Variants in GALNTL6 observed in about 807,000 individuals in gnomAD.
GALNTL6 encodes polypeptide N-acetylgalactosaminyltransferase like 6.
Under a neutral mutation model 73.7 loss-of-function variants are expected in GALNTL6, and 46 were observed. The ratio of observed to expected loss-of-function variants is 0.62; its 90% confidence interval spans 0.49 to 0.80. GALNTL6 has a LOEUF of 0.80. Among genes scored for constraint, GALNTL6 ranks in the 30% least tolerant of loss-of-function variants. GALNTL6 has a pLI of 0.00. For synonymous variants in GALNTL6, 259 were observed against 263.7 expected (o/e 0.98, Z 0.17); for missense variants, 604 against 755.0 (o/e 0.80, Z 2.34).
chr4:172,211,337 A>G (rs1214924261), intron 2 of GALNTL6, among the ~76,000 whole-genome samples: 2 of 152,212 alleles, frequency 1.3e-5, no homozygotes, highest in African/African-American at 4.8e-5. Context: ...TATACTAATC[A>G]TGTATTTACA....
At chr4:173,004,740 C>T (rs1286634816) in intron 10 of GALNTL6, among the ~76,000 whole-genome samples, 2 of 152,182 alleles carry the variant, frequency 1.3e-5, no homozygotes, top group Non-Finnish European at 2.9e-5. Context: ...TTGGAAGTCT[C>T]AAGCCTTTCT....
intron 11 of GALNTL6, among the ~76,000 whole-genome samples, chr4:173,015,349 G>C (rs1163968578): frequency 6.6e-6 from 1 of 152,214 alleles, no homozygotes; most frequent in South Asian, 2.1e-4. Context: ...CAGTTTGGAG[G>C]GCTCAGAAGA....
chr4:172,378,916 A>G (rs1357134765), intron 5 of GALNTL6, among the ~76,000 whole-genome samples: 2 of 152,194 alleles, frequency 1.3e-5, no homozygotes, highest in Admixed American at 6.5e-5. Flanking sequence ...AATCCTTTCA[A>G]TATTCAACAC....
chr4:172,329,695 C>G lies in GALNTL6; in HGVS notation c.386+17943C>G, dbSNP rs183525617. On this transcript the variant is annotated intron_variant, in intron 4 of 12. Transcript: ENST00000506823. ...CTGTGCCAGGAAACTGCTCCAGTCCCTAGTCACCTCAGACCCCCTAGAGCC... is the reference window on the plus strand; with the variant it reads ...CTGTGCCAGGAAACTGCTCCAGTCCGTAGTCACCTCAGACCCCCTAGAGCC... Among the ~76,000 whole-genome samples, 31 of 152,268 alleles carry G rather than the reference C, an allele frequency of 2.0e-4. No individual in the cohort carries two copies. In the East Asian group the frequency reaches 3.1e-3, roughly 15 times the overall value.
chr4:172,921,059 G>A (rs535654809), intron 8 of GALNTL6, among the ~76,000 whole-genome samples: 1 of 152,268 alleles, frequency 6.6e-6, no homozygotes, highest in South Asian at 2.1e-4. Context: ...TGCAAGAAGA[G>A]AATTCCAGGC....
At chr4:172,713,957 C>T (rs1047863796) in intron 5 of GALNTL6, among the ~76,000 whole-genome samples, 3 of 152,130 alleles carry the variant, frequency 2.0e-5, no homozygotes, top group African/African-American at 4.8e-5. Context: ...TGGCTCACAC[C>T]TGTAATCCCA....
At chr4:172,715,810 G>T (rs778351227) in intron 5 of GALNTL6, among the ~76,000 whole-genome samples, 1 of 152,106 alleles carries the variant, frequency 6.6e-6, no homozygotes, top group Non-Finnish European at 1.5e-5. Flanking sequence ...GGTGTTAAAA[G>T]GTCTTGCATA....
chr4:171,829,559 C>A (rs1054735373), intron 2 of GALNTL6, among the ~76,000 whole-genome samples: 3 of 152,112 alleles, frequency 2.0e-5, no homozygotes, highest in Admixed American at 6.6e-5. Context: ...CTTTTTCCCC[C>A]TGGAATTTGA....
intron 4 of GALNTL6, among the ~76,000 whole-genome samples, chr4:172,343,242 A>C (rs575505547): frequency 1.3e-5 from 2 of 152,228 alleles, no homozygotes; most frequent in Non-Finnish European, 2.9e-5. Flanking sequence ...CAAAAGCTGC[A>C]ATCCCAGAGT....
chr4:172,568,779 A>G (rs1407236825), intron 5 of GALNTL6, among the ~76,000 whole-genome samples: 2 of 149,810 alleles, frequency 1.3e-5, no homozygotes, highest in Non-Finnish European at 3.0e-5. Flanking sequence ...AAAAAAAAAA[A>G]GTAACAAAGA....
intron 10 of GALNTL6, among the ~76,000 whole-genome samples, chr4:172,979,980 C>T (rs1750996804): frequency 6.6e-6 from 1 of 152,192 alleles, no homozygotes; most frequent in South Asian, 2.1e-4. Context: ...ACAGATAATG[C>T]TATATGTCTT....
intron 2 of GALNTL6, among the ~76,000 whole-genome samples, chr4:172,034,002 T>G (rs1363905544): frequency 6.6e-6 from 1 of 152,084 alleles, no homozygotes; most frequent in East Asian, 1.9e-4. Context: ...AGTTGAACAA[T>G]CAAAAATTGT....
chr4:171,843,912 G>A lies in GALNTL6; in HGVS notation c.138+29194G>A, dbSNP rs568562059. 8.0e-4 allele frequency among the ~76,000 whole-genome samples: 122 copies of A among 152,222 alleles called. 1 individual carries two copies. The South Asian group carries it at 0.024, about 30-fold the overall frequency. The stretch of plus-strand genomic sequence containing the variant: ...AGTAGTCAATATTGAAGCAAAAATT[G>A]TATATCTGTAAGAACTGGAGAACAA... On this transcript the variant is annotated intron_variant, in intron 2 of 12. Transcript: ENST00000506823.
chr4:172,555,068 C>A (rs552557251), intron 5 of GALNTL6, among the ~76,000 whole-genome samples: 2 of 152,240 alleles, frequency 1.3e-5, no homozygotes, highest in South Asian at 2.1e-4. Flanking sequence ...ATTTAGTTAT[C>A]TTTGCAGGTG....
At chr4:171,915,018 C>T (rs576907649) in intron 2 of GALNTL6, among the ~76,000 whole-genome samples, 1 of 151,692 alleles carries the variant, frequency 6.6e-6, no homozygotes, top group South Asian at 2.1e-4. Context: ...ATATATAAAA[C>T]TTATTTGTTA....
intron 5 of GALNTL6, among the ~76,000 whole-genome samples, chr4:172,530,210 C>T (rs1456551850): frequency 1.3e-5 from 2 of 152,124 alleles, no homozygotes; most frequent in Non-Finnish European, 1.5e-5. Context: ...AAATTAAAAG[C>T]ACCTTCCCAA....
At chr4:172,314,456 A>G (rs946434628) in intron 4 of GALNTL6, among the ~76,000 whole-genome samples, 3 of 152,088 alleles carry the variant, frequency 2.0e-5, no homozygotes, top group Non-Finnish European at 2.9e-5. Context: ...CACTCCCTGT[A>G]TATTTAAGTG....
chr4:172,454,488 A>G (rs1732321026), intron 5 of GALNTL6, among the ~76,000 whole-genome samples: 1 of 152,216 alleles, frequency 6.6e-6, no homozygotes, highest in African/African-American at 2.4e-5. Flanking sequence ...AGATGTTTTG[A>G]CAGAGGCCTT....
intron 7 of GALNTL6, among the ~76,000 whole-genome samples, chr4:172,837,396 T>C (rs1330705173): frequency 1.3e-5 from 2 of 152,170 alleles, no homozygotes; most frequent in Non-Finnish European, 2.9e-5. Flanking sequence ...AGTTATTGTT[T>C]TATATATACT....
Sources: gnomAD v4.1 joint callset for allele counts (sites outside exome capture counted in the v4.1 genomes callset) on GRCh38, gnomAD v4.1.1 for gene constraint, MANE v1.5 for transcripts, NCBI Gene and HGNC (gene_info 2026-07-23, HGNC 2026-07-21) for gene names.